LCORL: variants seen among roughly 807,000 people sequenced by gnomAD.
The protein encoded by LCORL is ligand dependent nuclear receptor corepressor like.
In LCORL, 41 loss-of-function variants were observed where a neutral mutation model predicts 141.8. That is an observed-to-expected ratio of 0.29 (90% CI 0.23 to 0.38). LCORL has a LOEUF of 0.38. LCORL is among the 10% of genes least tolerant of loss of function. The pLI is 1.00. For missense variants in LCORL, 1,759 were observed against 2,035.0 expected, an observed-to-expected ratio of 0.86 and a Z score of 2.61; for synonymous variants, 618 against 694.1, an observed-to-expected ratio of 0.89 and a Z score of 1.72.
chr4:17,895,616 C>G (rs1194769449), intron 5 of LCORL, among the ~76,000 whole-genome samples: 1 of 152,154 alleles, frequency 6.6e-6, no homozygotes, highest in East Asian at 1.9e-4. Flanking sequence ...GCAGTTTTCT[C>G]TGTATTCAGA....
intron 4 of LCORL, among the ~76,000 whole-genome samples, chr4:17,953,851 A>C (rs995224692): frequency 1.3e-5 from 2 of 152,154 alleles, no homozygotes; most frequent in African/African-American, 2.4e-5. Context: ...TTTTAAGAGG[A>C]GTAAGGGAGA....
At chr4:17,912,524 G>A (rs1210558027) in intron 4 of LCORL, 3 of 486,078 alleles carry the variant, frequency 6.2e-6, no homozygotes, top group Non-Finnish European at 1.2e-5. Context: ...GCAGATTGAG[G>A]AGAGCACCAC....
chr4:17,943,530 G>A (rs1449901587), intron 4 of LCORL, among the ~76,000 whole-genome samples: 2 of 152,182 alleles, frequency 1.3e-5, no homozygotes, highest in African/African-American at 4.8e-5. Flanking sequence ...AGGCTTATGA[G>A]TTAGCTGGTT....
chr4:17,968,085 T>A (rs1715263907), intron 2 of LCORL, among the ~76,000 whole-genome samples: 2 of 152,156 alleles, frequency 1.3e-5, no homozygotes, highest in African/African-American at 2.4e-5. Context: ...TTCAAGCTCC[T>A]GACCTCAAGT....
intron 7 of LCORL, among the ~76,000 whole-genome samples, chr4:17,853,889 G>A (rs1724053641): frequency 7.0e-6 from 1 of 143,382 alleles, no homozygotes; most frequent in Non-Finnish European, 1.5e-5. Context: ...CATATTAGGA[G>A]TATTTAAAAA....
intron 4 of LCORL, among the ~76,000 whole-genome samples, chr4:17,925,252 T>C (rs1421130669): frequency 1.3e-5 from 2 of 152,158 alleles, no homozygotes; most frequent in African/African-American, 4.8e-5. Flanking sequence ...ATTAGTCTAC[T>C]GCTCCACAGT....
At chr4:17,985,856 T>C (rs961669235) in intron 1 of LCORL, among the ~76,000 whole-genome samples, 10 of 152,226 alleles carry the variant, frequency 6.6e-5, no homozygotes, top group African/African-American at 2.4e-4. Context: ...CTTTACAGTG[T>C]CACTTGTCTG....
chr4:17,920,853 G>A (rs1734179856), intron 4 of LCORL, among the ~76,000 whole-genome samples: 1 of 152,040 alleles, frequency 6.6e-6, no homozygotes, highest in South Asian at 2.1e-4. Context: ...ACATCTTCAG[G>A]CTCTACTTCT....
In LCORL at chr4:17,883,605, G is replaced by A. The variant is rs1031680656; in HGVS notation, c.776+2463C>T. 2.2e-6 allele frequency: 3 copies of A among 1,374,116 alleles called. No homozygotes were observed. The African/African-American group carries it at 4.4e-5, about 20-fold the overall frequency. The allele number at this position is 1,374,116 out of a possible 1,614,324, so 85.1% of individuals were successfully genotyped here. On this transcript the variant is annotated intron_variant, in intron 6 of 7. Coordinates refer to ENST00000635767, the Ensembl canonical transcript of LCORL. Reference sequence around the variant, plus strand: ...AATTTCATGTCTCCTGTCAGAGTGAGCATTTGTAATTCCCACGTGTGTATA... The same window carrying A: ...AATTTCATGTCTCCTGTCAGAGTGAACATTTGTAATTCCCACGTGTGTATA...
chr4:17,957,325 A>G (rs1429710134), intron 4 of LCORL, among the ~76,000 whole-genome samples: 2 of 152,018 alleles, frequency 1.3e-5, no homozygotes, highest in Non-Finnish European at 2.9e-5. Context: ...TACATAAAGT[A>G]AGGAATTAAA....
At chr4:17,898,652 G>GTTTTTTTTTTTTTTTTTTTT (rs34770223) in intron 5 of LCORL, among the ~76,000 whole-genome samples, 2 of 119,272 alleles carry the variant, frequency 1.7e-5, no homozygotes, top group Non-Finnish European at 3.5e-5. Context: ...CATTCTCACC[G>GTTTTTTTTTTTTTTTTTTTT]TTTTTTTTTT....
chr4:17,854,405 C>T (rs1160461494), intron 7 of LCORL, among the ~76,000 whole-genome samples: 6 of 152,046 alleles, frequency 3.9e-5, no homozygotes, highest in Non-Finnish European at 8.8e-5. Context: ...CAAAGATATC[C>T]GTGTTTTCAC....
chr4:17,998,429 A>C (rs1315624935), intron 1 of LCORL, among the ~76,000 whole-genome samples: 2 of 151,884 alleles, frequency 1.3e-5, no homozygotes, highest in Non-Finnish European at 2.9e-5. Flanking sequence ...ATTTTTTTCT[A>C]TTTAAACTTT....
At chr4:17,874,285 C>G in exon 7 of LCORL, 2 of 1,233,868 alleles carry the variant, frequency 1.6e-6, no homozygotes, top group Non-Finnish European at 2.0e-6. Context: ...TGCAATTTCT[C>G]TGCTGATTTT....
At chr4:17,844,356 T>C (rs1722719823) in exon 8 of LCORL, 1 of 152,460 alleles carries the variant, frequency 6.6e-6, no homozygotes, top group African/African-American at 2.4e-5. Context: ...AGAAATGTCC[T>C]AACATGGATC....
chr4:17,968,950 G>A (rs1369387142), intron 2 of LCORL, among the ~76,000 whole-genome samples: 1 of 152,150 alleles, frequency 6.6e-6, no homozygotes, highest in African/African-American at 2.4e-5. Context: ...AGAAAAAACA[G>A]TAAGCATTTA....
intron 4 of LCORL, among the ~76,000 whole-genome samples, chr4:17,947,835 T>C (rs1739126512): frequency 6.6e-6 from 1 of 151,970 alleles, no homozygotes; most frequent in African/African-American, 2.4e-5. Flanking sequence ...GCAAAGCACA[T>C]CTAATTTATG....
chr4:17,893,244 G>T, intron 5 of LCORL: 2 of 379,076 alleles, frequency 5.3e-6, no homozygotes, highest in Non-Finnish European at 7.3e-6. Flanking sequence ...TTTAGATCCA[G>T]CAATTTCACT....
chr4:17,882,042 T>C (rs1727642726), intron 6 of LCORL: 1 of 983,240 alleles, frequency 1.0e-6, no homozygotes, highest in South Asian at 4.7e-5. Flanking sequence ...CTGAAGAGGG[T>C]TAAGTATAGA....
Sources: allele counts gnomAD v4.1 joint callset (sites outside exome capture counted in the v4.1 genomes callset), GRCh38; gene constraint gnomAD v4.1.1; transcripts MANE v1.5; gene names NCBI Gene and HGNC (gene_info 2026-07-23, HGNC 2026-07-21).